The following PCLO variants were observed in gnomAD, a reference collection of about 807,000 sequenced individuals.
The protein encoded by PCLO is protein piccolo.
Under a neutral mutation model 427.5 loss-of-function variants are expected in PCLO, and 82 were observed. That is an observed-to-expected ratio of 0.19 (90% CI 0.16 to 0.23). The LOEUF (loss-of-function observed/expected upper bound fraction) is 0.23, where lower values mean the gene tolerates loss of function less well. Ranked by LOEUF, PCLO falls within the 10% of genes least tolerant of loss-of-function variation. The pLI, the probability that PCLO is intolerant of heterozygous loss-of-function variation, is 1.00. For synonymous variants in PCLO, 2,357 were observed against 2,155.4 expected (o/e 1.09, Z -2.59); for missense variants, 6,239 against 6,115.9 (o/e 1.02, Z -0.67).
chr7:82,971,423 T>G (rs947008596), intron 3 of PCLO, among the ~76,000 whole-genome samples: 1 of 150,810 alleles, frequency 6.6e-6, no homozygotes, highest in Admixed American at 6.6e-5. Context: ...TGTGTGTATA[T>G]ATATGTGTGT....
intron 6 of PCLO, among the ~76,000 whole-genome samples, chr7:82,929,148 C>A (rs1001877359): frequency 1.3e-5 from 2 of 151,778 alleles, no homozygotes; most frequent in Non-Finnish European, 2.9e-5. Flanking sequence ...GCTGATAAGG[C>A]CTTTATATAA....
chr7:83,095,730 T>C lies in PCLO; in HGVS notation c.3300+38520A>G, dbSNP rs141312804. On this transcript the variant is annotated intron_variant, in intron 3 of 24. Coordinates refer to ENST00000333891, the MANE Select transcript of PCLO (RefSeq NM_033026.6). ...AGTTTAATCTCCAAGTGTTTGGAGA[T>C]TTTCCTGTTATCTTTCTATTACTAA... Among the ~76,000 whole-genome samples, 149 of 152,164 alleles carry C rather than the reference T, an allele frequency of 9.8e-4. 1 individual carries two copies. The highest frequency in any genetic ancestry group is 3.3e-3 in the African/African-American group (136 of 41,544).
Position 82,821,439 on chromosome 7 carries a change from A to G in PCLO, c.14791+1056T>C, listed in dbSNP as rs1007725154. ...AATGCCAAAATGACACCACATGCACAGCACTAAAGGGGTTTAAAACTGGCT... is the reference window on the plus strand; with the variant it reads ...AATGCCAAAATGACACCACATGCACGGCACTAAAGGGGTTTAAAACTGGCT... On this transcript the variant is annotated intron_variant, in intron 20 of 24. Coordinates refer to ENST00000333891, the MANE Select transcript of PCLO (RefSeq NM_033026.6). 4 of 985,508 alleles carry G rather than the reference A, an allele frequency of 4.1e-6. No homozygotes were observed. The Admixed American group carries it at 1.8e-4, about 45-fold the overall frequency. 61.0% of individuals were successfully genotyped at this position (985,508 alleles called of 1,614,324 possible). A position where few individuals can be genotyped will look rare whatever the true frequency, so the allele number is the denominator to read the frequency against.
At chr7:83,137,541 C>T (rs944704517) in intron 2 of PCLO, among the ~76,000 whole-genome samples, 10 of 152,150 alleles carry the variant, frequency 6.6e-5, no homozygotes, top group Non-Finnish European at 4.4e-5. Flanking sequence ...CGCCATTCCC[C>T]TGCCTCAGCC....
intron 6 of PCLO, among the ~76,000 whole-genome samples, chr7:82,930,142 G>T (rs1342321691): frequency 6.6e-6 from 1 of 152,170 alleles, no homozygotes; most frequent in Non-Finnish European, 1.5e-5. Context: ...GAGACAACTT[G>T]TATGTAGTTC....
chr7:82,887,362 C>G (rs1793652196), intron 9 of PCLO, among the ~76,000 whole-genome samples: 1 of 152,112 alleles, frequency 6.6e-6, no homozygotes, highest in Non-Finnish European at 1.5e-5. Flanking sequence ...TTTATTGAAT[C>G]CCATTTCCCC....
At chr7:83,099,931 T>C (rs538892510) in intron 3 of PCLO, among the ~76,000 whole-genome samples, 2 of 152,286 alleles carry the variant, frequency 1.3e-5, no homozygotes, top group South Asian at 4.1e-4. Context: ...TAAGAAAGCA[T>C]ACTATTTTTT....
intron 3 of PCLO, among the ~76,000 whole-genome samples, chr7:83,084,264 T>C (rs1250959265): frequency 6.6e-6 from 1 of 151,240 alleles, no homozygotes; most frequent in Non-Finnish European, 1.5e-5. Context: ...AAGCACCCTA[T>C]TTAAAAAAAA....
At chr7:82,822,744 A>T in intron 19 of PCLO, 55 bp from the exon 20 acceptor site, 2 of 1,501,182 alleles carry the variant, frequency 1.3e-6, no homozygotes, top group Non-Finnish European at 1.8e-6. Context: ...TCCTCCTATC[A>T]AGCTTGGTTT....
Position 82,956,116 on chromosome 7 carries a change from G to T in PCLO, c.4837C>A (p.Arg1613=). Residue 1613 remains arginine (R), a synonymous_variant, in exon 5 of 25, where the codon CGA becomes AGA. Transcript: ENST00000333891. ...TCATCAATGCTTGTGCTACTTTTTC[G>T]AGTCAGTCGTCTGTGTTTCCCTGCT... ...ITAGKHRRLT[R]KSSTSIDEDA... is the part of the protein sequence containing the mutation. 1 of 1,609,620 alleles carries T rather than the reference G, an allele frequency of 6.2e-7. No individual in the cohort carries two copies. The highest frequency in any genetic ancestry group is 2.2e-5 in the East Asian group (1 of 44,858).
chr7:82,840,753 C>T (rs1319041387), intron 14 of PCLO, among the ~76,000 whole-genome samples: 1 of 151,958 alleles, frequency 6.6e-6, no homozygotes, highest in African/African-American at 2.4e-5. Context: ...GACTCTCTTT[C>T]ATCTGAAACA....
chr7:82,886,474 T>A, intron 9 of PCLO, among the ~76,000 whole-genome samples: 1 of 152,106 alleles, frequency 6.6e-6, no homozygotes, highest in East Asian at 1.9e-4. Context: ...ATAATTATTA[T>A]ACTAACCACT....
intron 16 of PCLO, among the ~76,000 whole-genome samples, chr7:82,829,043 T>C (rs1015163873): frequency 6.6e-6 from 1 of 152,112 alleles, no homozygotes; most frequent in African/African-American, 2.4e-5. Flanking sequence ...ACATTCCTGG[T>C]CTCAAGTATT....
In PCLO at chr7:82,758,770, A is replaced by C. The variant is rs1790370777; in HGVS notation, c.15289-55T>G. ...TTAATTTATACACATATACATGTGTATAGTTTTCAACCTTTTTTAAGGACA... is the reference window on the plus strand; with the variant it reads ...TTAATTTATACACATATACATGTGTCTAGTTTTCAACCTTTTTTAAGGACA... On this transcript the variant is annotated intron_variant, in intron 24 of 24. Transcript: ENST00000333891. 3.7e-6 allele frequency: 4 copies of C among 1,093,482 alleles called. No individual in the cohort carries two copies. The South Asian group carries it at 5.7e-5, about 15-fold the overall frequency. 67.7% of individuals were successfully genotyped at this position (1,093,482 alleles called of 1,614,324 possible). A position where few individuals can be genotyped will look rare whatever the true frequency, so the allele number is the denominator to read the frequency against.
intron 4 of PCLO, among the ~76,000 whole-genome samples, chr7:82,958,256 C>CG (rs1795574714): frequency 6.6e-6 from 1 of 151,970 alleles, no homozygotes; most frequent in African/African-American, 2.4e-5. Context: ...AACAGATGTA[C>CG]GGTTGCACAA....
intron 10 of PCLO, among the ~76,000 whole-genome samples, chr7:82,857,526 T>C (rs1368931365): frequency 2.0e-5 from 3 of 152,250 alleles, no homozygotes; most frequent in Admixed American, 6.5e-5. Flanking sequence ...CAAATATAAA[T>C]GCTATCTGAA....
chr7:83,111,859 T>C (rs1338513432), intron 3 of PCLO, among the ~76,000 whole-genome samples: 1 of 152,200 alleles, frequency 6.6e-6, no homozygotes, highest in Non-Finnish European at 1.5e-5. Context: ...GGGGATTCTA[T>C]GTTTAGATTA....
At chr7:82,948,762 A>G (rs1038298521) in intron 6 of PCLO, among the ~76,000 whole-genome samples, 1 of 152,132 alleles carries the variant, frequency 6.6e-6, no homozygotes, top group African/African-American at 2.4e-5. Context: ...GAAAATAATT[A>G]ATTTATATTA....
In PCLO at chr7:82,916,286, G is replaced by A. The variant is rs116819202; in HGVS notation, c.11700C>T (p.Pro3900=). ...YSSPALPTQA[P]TSYTQQSHFE... is the part of the protein sequence containing the mutation. The stretch of plus-strand genomic sequence containing the variant: ...AATGAGACTGTTGAGTGTATGAGGT[G>A]GGTGCTTGGGTAGGAAGAGCAGGGG... Residue 3900 remains proline, a synonymous_variant, in exon 7 of 25, where the codon CCC becomes CCT. Transcript: ENST00000333891. 1.2e-6 allele frequency: 2 copies of A among 1,613,674 alleles called. No homozygotes were observed. The highest frequency in any genetic ancestry group is 1.7e-6 in the Non-Finnish European group (2 of 1,179,716).
Sources: allele counts gnomAD v4.1 joint callset (sites outside exome capture counted in the v4.1 genomes callset), GRCh38; gene constraint gnomAD v4.1.1; transcripts MANE v1.5; gene names NCBI Gene and HGNC (gene_info 2026-07-23, HGNC 2026-07-21).